SGCD: variants seen among roughly 807,000 people sequenced by gnomAD.
The protein encoded by SGCD is sarcoglycan delta, also known as delta-sarcoglycan.
In SGCD, 18 loss-of-function variants were observed where a neutral mutation model predicts 36.6. That is an observed-to-expected ratio of 0.49 (90% CI 0.34 to 0.73). The LOEUF (loss-of-function observed/expected upper bound fraction) is 0.73. Ranked by LOEUF, SGCD falls within the 30% of genes least tolerant of loss-of-function variation. SGCD has a pLI of 0.01. For missense variants in SGCD, 387 were observed against 346.7 expected (o/e 1.12, Z -0.92); for synonymous variants, 133 against 130.6 (o/e 1.02, Z -0.12).
chr5:156,470,780 T>C (rs777068923), intron 3 of SGCD, among the ~76,000 whole-genome samples: 17 of 152,196 alleles, frequency 1.1e-4, no homozygotes, highest in Non-Finnish European at 2.1e-4. Flanking sequence ...TCAAATTGTG[T>C]TCATCTCTAA....
At chr5:156,721,819 T>C (rs189164329) in intron 7 of SGCD, among the ~76,000 whole-genome samples, 1 of 152,252 alleles carries the variant, frequency 6.6e-6, no homozygotes, top group Admixed American at 6.5e-5. Flanking sequence ...TGAGTGGGTG[T>C]TGGGAATATA....
intron 3 of SGCD, among the ~76,000 whole-genome samples, chr5:156,154,063 G>A (rs1762891335): frequency 6.6e-6 from 1 of 151,516 alleles, no homozygotes; most frequent in Non-Finnish European, 1.5e-5. Context: ...CTGCCCCTAA[G>A]GGAGATTCTG....
intron 3 of SGCD, among the ~76,000 whole-genome samples, chr5:156,475,338 C>T (rs1157088356): frequency 6.6e-6 from 1 of 152,198 alleles, no homozygotes; most frequent in Non-Finnish European, 1.5e-5. Context: ...CCATTTGCAA[C>T]TGTCCCTGCT....
chr5:156,574,983 G>A (rs893530170), intron 4 of SGCD, among the ~76,000 whole-genome samples: 10 of 152,176 alleles, frequency 6.6e-5, no homozygotes, highest in Non-Finnish European at 1.5e-4. Flanking sequence ...CAGCCACAAA[G>A]CCCAGACTTG....
chr5:156,427,841 A>C (rs893003804), intron 3 of SGCD, among the ~76,000 whole-genome samples: 3 of 152,148 alleles, frequency 2.0e-5, no homozygotes, highest in Non-Finnish European at 4.4e-5. Context: ...TATCACATTT[A>C]TTGACTTGCA....
intron 1 of SGCD, among the ~76,000 whole-genome samples, chr5:156,086,413 CA>C (rs1300784760): frequency 2.6e-5 from 4 of 152,160 alleles, no homozygotes; most frequent in Non-Finnish European, 5.9e-5. Flanking sequence ...AGAGAAATGG[CA>C]AAGGCTCTAT....
rs537429824 is a variant in SGCD, at chr5:156,208,089, TA to T, written c.-44+84074del. On this transcript the variant is annotated intron_variant, in intron 3 of 9. Coordinates refer to the SGCD transcript ENST00000517913. The stretch of plus-strand genomic sequence containing the variant: ...TGAGAAGAATTACAAACATAAATTC[TA>T]AAATACAAGTTATAGTAACTATTAA... 8.5e-4 allele frequency among the ~76,000 whole-genome samples: 130 copies of T among 152,318 alleles called. No homozygotes were observed. The Middle Eastern group carries it at 0.014, about 16-fold the overall frequency.
At chr5:155,746,208 G>T in the SGCD span, among the ~76,000 whole-genome samples, 1,341 of 152,168 alleles carry the variant, frequency 8.8e-3, 15 homozygotes, top group African/African-American at 0.031. Context: ...TCAAAATATT[G>T]GATAATAATA....
chr5:156,526,219 G>A (rs1293575375), intron 4 of SGCD, among the ~76,000 whole-genome samples: 10 of 152,042 alleles, frequency 6.6e-5, no homozygotes, highest in Admixed American at 5.2e-4. Flanking sequence ...AGATAAAGAT[G>A]AGAAAGTGTT....
chr5:156,469,695 A>G (rs1228287804), intron 3 of SGCD, among the ~76,000 whole-genome samples: 1 of 152,228 alleles, frequency 6.6e-6, no homozygotes, highest in African/African-American at 2.4e-5. Flanking sequence ...ACCCCAGGGT[A>G]ACACACTGTC....
At position 156,029,286 on chromosome 5, in the gene SGCD, T is replaced by C. The variant is rs150081298; in HGVS notation, c.-281-88592T>C. Among the ~76,000 whole-genome samples, 123 of 152,254 alleles carry C rather than the reference T, an allele frequency of 8.1e-4. 1 individual carries two copies. The highest frequency in any genetic ancestry group is 2.8e-3 in the African/African-American group (115 of 41,556). ...TCAAATACACTTTCAGAATCTGTAGTAATAGAGTTTTATGGTTATTTTTCT... is the reference window on the plus strand; with the variant it reads ...TCAAATACACTTTCAGAATCTGTAGCAATAGAGTTTTATGGTTATTTTTCT... On this transcript the variant is annotated intron_variant, in intron 1 of 9. Coordinates refer to the SGCD transcript ENST00000517913.
At chr5:156,441,193 G>A (rs1753476975) in intron 3 of SGCD, among the ~76,000 whole-genome samples, 1 of 152,230 alleles carries the variant, frequency 6.6e-6, no homozygotes, top group Non-Finnish European at 1.5e-5. Context: ...CCTACTCTGA[G>A]CATGGTAAAG....
At chr5:156,651,854 A>G (rs1763475475) in intron 7 of SGCD, among the ~76,000 whole-genome samples, 1 of 151,848 alleles carries the variant, frequency 6.6e-6, no homozygotes, top group South Asian at 2.1e-4. Flanking sequence ...TTTAGATTAC[A>G]TTGGGCAGTA....
intron 1 of SGCD, among the ~76,000 whole-genome samples, chr5:156,044,138 T>G (rs1005510087): frequency 6.6e-6 from 1 of 151,954 alleles, no homozygotes; most frequent in Admixed American, 6.6e-5. Context: ...CTTAGAAAAA[T>G]TGGAATGAGA....
chr5:155,934,364 C>A (rs553165267), intron 1 of SGCD, among the ~76,000 whole-genome samples: 2 of 152,228 alleles, frequency 1.3e-5, no homozygotes, highest in Admixed American at 6.5e-5. Context: ...TGGCAAGAAG[C>A]CTTTTTAACG....
intron 7 of SGCD, among the ~76,000 whole-genome samples, chr5:156,697,501 G>T (rs1422163137): frequency 6.6e-6 from 1 of 152,064 alleles, no homozygotes; most frequent in Admixed American, 6.6e-5. Context: ...AGAGAATCCT[G>T]ACTCCTCCTT....
At chr5:156,740,316 T>TAAAGTGGTTTTCTGGAAGTAGAAATTA (rs1756605515) in intron 7 of SGCD, among the ~76,000 whole-genome samples, 3 of 152,268 alleles carry the variant, frequency 2.0e-5, no homozygotes, top group Non-Finnish European at 4.4e-5. Context: ...GAACAATTTT[T>TAAAGTGGTTTTCTGGAAGTAGAAATTA]AAAGTGGTTT....
At chr5:156,630,154 C>T (rs570047042) in intron 6 of SGCD, among the ~76,000 whole-genome samples, 3 of 152,164 alleles carry the variant, frequency 2.0e-5, no homozygotes, top group African/African-American at 4.8e-5. Flanking sequence ...TGAGTCACCA[C>T]GCCTGGCCCT....
chr5:156,648,966 G>C (rs1176364273), intron 7 of SGCD, among the ~76,000 whole-genome samples: 1 of 152,108 alleles, frequency 6.6e-6, no homozygotes, highest in Non-Finnish European at 1.5e-5. Context: ...GTTTCTTACA[G>C]AACTAGTCAG....
Sources: allele counts gnomAD v4.1 joint callset (sites outside exome capture counted in the v4.1 genomes callset), GRCh38; gene constraint gnomAD v4.1.1; transcripts MANE v1.5; gene names NCBI Gene and HGNC (gene_info 2026-07-23, HGNC 2026-07-21).